The following NHSL2 variants were observed in gnomAD, a reference collection of about 807,000 sequenced individuals.
NHSL2 encodes the protein NHS-like protein 2.
NHSL2 carries 27 observed loss-of-function variants against 53.4 expected under a neutral mutation model. The observed-to-expected ratio is 0.51, with a 90% CI of 0.37 to 0.70. The LOEUF is 0.70. Ranked by LOEUF, NHSL2 falls within the 30% of genes least tolerant of loss-of-function variation. The pLI, the probability that NHSL2 is intolerant of heterozygous loss-of-function variation, is 0.00. For synonymous variants in NHSL2, 408 were observed against 404.1 expected, an observed-to-expected ratio of 1.01 and a Z score of -0.12; for missense variants, 892 against 980.1, an observed-to-expected ratio of 0.91 and a Z score of 1.20.
intron 5 of NHSL2, among the ~76,000 whole-genome samples, chrX:72,137,916 C>T (rs1255388387): frequency 3.6e-5 from 4 of 111,636 alleles, no homozygotes; most frequent in African/African-American, 6.5e-5. Flanking sequence ...AACATCCAAA[C>T]GGTTTCCTCA....
chrX:72,136,975 C>G, intron 4 of NHSL2, 119 bp from the exon 5 acceptor site: 1 of 614,315 alleles, frequency 1.6e-6, no homozygotes, highest in Non-Finnish European at 2.5e-6. Context: ...GAAGTGCCAC[C>G]TGCCTTGGAT....
At chrX:72,019,890 G>T (rs2042152065) in intron 1 of NHSL2, among the ~76,000 whole-genome samples, 1 of 111,995 alleles carries the variant, frequency 8.9e-6, no homozygotes, top group South Asian at 3.7e-4. Context: ...GTGCTGGGCA[G>T]TCCAAGAGAC....
At chrX:72,012,200 T>G (rs184902100) in intron 1 of NHSL2, among the ~76,000 whole-genome samples, 33 of 112,391 alleles carry the variant, frequency 2.9e-4, no homozygotes, top group African/African-American at 1.0e-3. Flanking sequence ...TGGCTAGCTT[T>G]AGATTCCAAA....
chrX:72,093,949 T>G (rs1326706392), intron 1 of NHSL2, among the ~76,000 whole-genome samples: 1 of 109,866 alleles, frequency 9.1e-6, no homozygotes, highest in Non-Finnish European at 1.9e-5. Context: ...GCTTGGCTAA[T>G]TTTTGTATTT....
At chrX:72,042,800 G>A (rs1246531095) in intron 1 of NHSL2, among the ~76,000 whole-genome samples, 1 of 109,468 alleles carries the variant, frequency 9.1e-6, no homozygotes, top group Non-Finnish European at 1.9e-5. Flanking sequence ...GAGTAAGCAA[G>A]GAGCCTTGGG....
rs146873637 is a variant in NHSL2, at chrX:72,129,957, G to C, written c.281-2122G>C. ...GACCTGTGCGGCGAATCAGTTGGGG[G>C]GAGCTGTAGAATGGTGAATTGGTGC... On this transcript the variant is annotated intron_variant, in intron 1 of 7. Coordinates refer to ENST00000633930, the MANE Select transcript of NHSL2 (RefSeq NM_001013627.3). 1.7e-3 allele frequency: 2,051 copies of C among 1,209,498 alleles called. 27 individuals carry two copies. In the African/African-American group the frequency reaches 0.031, roughly 18 times the overall value.
chrX:71,973,303 T>C (rs1263031762), intron 1 of NHSL2, among the ~76,000 whole-genome samples: 1 of 112,627 alleles, frequency 8.9e-6, no homozygotes, highest in Non-Finnish European at 1.9e-5. Flanking sequence ...AGGTGTCTTC[T>C]TAGCTGTTTC....
At chrX:71,971,956 C>T (rs2041926701) in intron 1 of NHSL2, among the ~76,000 whole-genome samples, 1 of 111,848 alleles carries the variant, frequency 8.9e-6, no homozygotes, top group Non-Finnish European at 1.9e-5. Flanking sequence ...TCCCTTTTAG[C>T]CTGAGAAACT....
intron 1 of NHSL2, among the ~76,000 whole-genome samples, chrX:71,947,453 A>G (rs1422522514): frequency 8.9e-6 from 1 of 112,813 alleles, no homozygotes; most frequent in African/African-American, 3.2e-5. Context: ...TTCATGTGCT[A>G]TACAACAGAT....
At chrX:72,054,619 G>A (rs573431970) in intron 1 of NHSL2, among the ~76,000 whole-genome samples, 75 of 111,925 alleles carry the variant, frequency 6.7e-4, no homozygotes, top group African/African-American at 2.4e-3. Flanking sequence ...TTCCCAATTT[G>A]CTATTTTCTC....
rs2042380552 is a variant in NHSL2, at chrX:72,138,611, C to A, written c.1063C>A (p.Pro355Thr). ...AACTCCTTCCAGTGAGCCGGACGAA[C>A]CTCACCAGGCACGGAGTGGCCCAAA... ...LRTPSSEPDEPHQARSGPNPP... is the reference protein window; with the variant it reads ...LRTPSSEPDETHQARSGPNPP... Residue 355 changes from proline (P) to threonine (T), a missense_variant, in exon 6 of 8, where the codon CCT (proline) becomes ACT (threonine). Pro to Thr is a conservative substitution (Grantham distance 38). Transcript: ENST00000633930. 3.4e-6 allele frequency: 4 copies of A among 1,165,932 alleles called. No homozygotes were observed. Among genetic ancestry groups the A allele is most frequent in the African/African-American group, 3.6e-5 (2 of 55,745 alleles).
chrX:72,003,805 AG>A (rs1325282970), intron 1 of NHSL2, among the ~76,000 whole-genome samples: 1 of 111,508 alleles, frequency 9.0e-6, no homozygotes, highest in Non-Finnish European at 1.9e-5. Flanking sequence ...TAATCCTTAA[AG>A]GAAAGATTAA....
intron 1 of NHSL2, among the ~76,000 whole-genome samples, chrX:72,019,962 C>A (rs895163724): frequency 8.9e-6 from 1 of 111,950 alleles, no homozygotes; most frequent in African/African-American, 3.3e-5. Context: ...CTCAGGCACC[C>A]CTTCTCCATC....
rs1208609601 is a variant in NHSL2 at position 72,134,682 on chromosome X, C to T, written c.738C>T (p.Asp246=). The T allele has an allele frequency of 8.6e-7, 1 of 1,165,333 alleles. No individual in the cohort carries two copies. The highest frequency in any genetic ancestry group is 2.6e-5 in the Admixed American group (1 of 38,859). Residue 246 remains aspartate, a synonymous_variant, in exon 4 of 8, where the codon GAC becomes GAT. Transcript: ENST00000633930. ...CTCAGCTTTGCTCCACGCAGTCTGACATTGTGCCCATCAACATCTCTGGTA... is the reference window on the plus strand; with the variant it reads ...CTCAGCTTTGCTCCACGCAGTCTGATATTGTGCCCATCAACATCTCTGGTA... ...RWPQLCSTQS[D]IVPINISGQQ...
chrX:71,917,359 T>C (rs1290020522), intron 1 of NHSL2, among the ~76,000 whole-genome samples: 1 of 106,886 alleles, frequency 9.4e-6, no homozygotes, highest in Non-Finnish European at 1.9e-5. Flanking sequence ...TATAAGCTCC[T>C]TGAGGGTAGT....
At chrX:72,017,766 CAGAT>C (rs1288251920) in intron 1 of NHSL2, among the ~76,000 whole-genome samples, 2 of 112,698 alleles carry the variant, frequency 1.8e-5, no homozygotes, top group Non-Finnish European at 3.8e-5. Context: ...AAATATTACT[CAGAT>C]AGAAGGCAGA....
At chrX:72,115,834 G>C (rs903580350) in intron 1 of NHSL2, among the ~76,000 whole-genome samples, 2 of 111,478 alleles carry the variant, frequency 1.8e-5, no homozygotes, top group African/African-American at 6.5e-5. Flanking sequence ...TGTAGTGTAG[G>C]GCAGTGATTC....
intron 1 of NHSL2, among the ~76,000 whole-genome samples, chrX:71,960,678 C>A (rs763180008): frequency 1.8e-5 from 2 of 112,352 alleles, no homozygotes; most frequent in African/African-American, 6.4e-5. Flanking sequence ...TGTAGAAAAT[C>A]AATTTTCTGT....
chrX:71,971,841 G>A (rs2041926251), intron 1 of NHSL2, among the ~76,000 whole-genome samples: 1 of 110,334 alleles, frequency 9.1e-6, no homozygotes, highest in Non-Finnish European at 1.9e-5. Context: ...GATGGTTTTA[G>A]CCCAGGAGTT....
Sources: gnomAD v4.1 joint callset for allele counts (sites outside exome capture counted in the v4.1 genomes callset) on GRCh38, gnomAD v4.1.1 for gene constraint, MANE v1.5 for transcripts, NCBI Gene and HGNC (gene_info 2026-07-23, HGNC 2026-07-21) for gene names.